CSMD1: variants seen among roughly 807,000 people sequenced by gnomAD.
CSMD1 encodes CUB and Sushi multiple domains 1, also known as CUB and sushi domain-containing protein 1.
Under a neutral mutation model 417.5 loss-of-function variants are expected in CSMD1, and 213 were observed. The observed-to-expected ratio is 0.51, with a 90% CI of 0.46 to 0.57. The LOEUF (loss-of-function observed/expected upper bound fraction) is 0.57, where lower values mean the gene tolerates loss of function less well. Ranked by LOEUF, CSMD1 falls within the 20% of genes least tolerant of loss-of-function variation. The pLI, the probability that CSMD1 is intolerant of heterozygous loss-of-function variation, is 0.00. For synonymous variants in CSMD1, 2,862 were observed against 1,736.8 expected, an observed-to-expected ratio of 1.65 and a Z score of -16.11; for missense variants, 6,923 against 4,529.7, an observed-to-expected ratio of 1.53 and a Z score of -15.17.
intron 5 of CSMD1, among the ~76,000 whole-genome samples, chr8:3,957,073 G>C (rs544140705): frequency 4.6e-5 from 7 of 152,194 alleles, no homozygotes; most frequent in Admixed American, 3.3e-4. Context: ...AAAACGCCGG[G>C]GGAGGCTCTG....
At chr8:3,695,116 G>GTGTGTGTGTGTGTGTGTGT (rs61279256) in intron 7 of CSMD1, among the ~76,000 whole-genome samples, 11 of 150,872 alleles carry the variant, frequency 7.3e-5, no homozygotes, top group South Asian at 2.1e-4. Flanking sequence ...GTGTGTGTGT[G>GTGTGTGTGTGTGTGTGTGT]GTTATTGAAG....
At chr8:3,699,317 C>G (rs1301683354) in intron 7 of CSMD1, among the ~76,000 whole-genome samples, 1 of 152,186 alleles carries the variant, frequency 6.6e-6, no homozygotes, top group Non-Finnish European at 1.5e-5. Flanking sequence ...CAGTGGATAT[C>G]ATGATTCTGA....
At position 4,787,892 on chromosome 8, in the gene CSMD1, T is replaced by C. The variant is rs117932897; in HGVS notation, c.86-150334A>G. ...ACACTGGTTGATATGAAGATTGAATTTGGTGTTGATGTAACCACAAAGAAA... is the reference window on the plus strand; with the variant it reads ...ACACTGGTTGATATGAAGATTGAATCTGGTGTTGATGTAACCACAAAGAAA... On this transcript the variant is annotated intron_variant, in intron 1 of 69. Transcript: ENST00000635120. The C allele has an allele frequency of 6.8e-3, 10,758 of 1,581,110 alleles. 71 individuals carry two copies. Among genetic ancestry groups the C allele is most frequent in the Middle Eastern group, 0.025 (108 of 4,388 alleles).
chr8:3,861,813 G>A (rs530897351), intron 5 of CSMD1, among the ~76,000 whole-genome samples: 3 of 152,218 alleles, frequency 2.0e-5, no homozygotes, highest in Admixed American at 6.5e-5. Flanking sequence ...TAAGTGTGCC[G>A]ATTACAGATG....
At chr8:4,929,601 A>C (rs1807102249) in intron 1 of CSMD1, among the ~76,000 whole-genome samples, 1 of 152,190 alleles carries the variant, frequency 6.6e-6, no homozygotes, top group Non-Finnish European at 1.5e-5. Flanking sequence ...CCATTTGTCT[A>C]CAAATGATTT....
intron 10 of CSMD1, among the ~76,000 whole-genome samples, chr8:3,500,163 C>T (rs951922281): frequency 1.3e-5 from 2 of 152,132 alleles, no homozygotes; most frequent in African/African-American, 4.8e-5. Flanking sequence ...TCTTGAGTTT[C>T]CATGCCTTAG....
intron 20 of CSMD1, among the ~76,000 whole-genome samples, chr8:3,363,884 T>C (rs181966222): frequency 6.6e-6 from 1 of 152,108 alleles, no homozygotes; most frequent in African/African-American, 2.4e-5. Flanking sequence ...CAATGTTATG[T>C]AGAATGGGGA....
intron 2 of CSMD1, among the ~76,000 whole-genome samples, chr8:4,595,080 T>G (rs1257132700): frequency 3.3e-5 from 5 of 152,196 alleles, no homozygotes; most frequent in Non-Finnish European, 7.3e-5. Flanking sequence ...GTGCCTTTTT[T>G]TATAACTTTA....
chr8:4,406,160 G>A (rs925154836), intron 3 of CSMD1, among the ~76,000 whole-genome samples: 1 of 152,176 alleles, frequency 6.6e-6, no homozygotes, highest in Non-Finnish European at 1.5e-5. Flanking sequence ...GCACACATTA[G>A]AATTTAGATA....
chr8:4,928,683 T>A (rs958925136), intron 1 of CSMD1, among the ~76,000 whole-genome samples: 6 of 152,172 alleles, frequency 3.9e-5, no homozygotes, highest in African/African-American at 1.4e-4. Flanking sequence ...TCAGCTGAAT[T>A]GTGCCACCCT....
At chr8:4,230,676 A>T (rs1158663163) in intron 3 of CSMD1, among the ~76,000 whole-genome samples, 2 of 152,144 alleles carry the variant, frequency 1.3e-5, no homozygotes, top group Admixed American at 6.6e-5. Flanking sequence ...AATATTATAA[A>T]TTTTTACTGC....
At chr8:4,798,278 T>TG (rs1156893299) in intron 1 of CSMD1, among the ~76,000 whole-genome samples, 1 of 152,218 alleles carries the variant, frequency 6.6e-6, no homozygotes, top group Non-Finnish European at 1.5e-5. Context: ...TTTCTGTCCT[T>TG]GCGCTAGTTT....
intron 1 of CSMD1, among the ~76,000 whole-genome samples, chr8:4,647,408 G>T (rs1485369211): frequency 6.6e-6 from 1 of 151,140 alleles, no homozygotes; most frequent in African/African-American, 2.4e-5. Context: ...TGTTAGGTAG[G>T]TACGCGTGTG....
rs539146933 is a variant in CSMD1, at chr8:3,189,961, G to A, written c.5349C>T (p.Ser1783=). 15 of 1,598,452 alleles carry A rather than the reference G, an allele frequency of 9.4e-6. No individual in the cohort carries two copies. In the East Asian group the frequency reaches 2.3e-4, roughly 24 times the overall value. The change falls in exon 34 of 70, where the codon TCC becomes TCT. Residue 1783 remains serine, a synonymous_variant. Transcript: ENST00000635120. ...TCCACTGTGCCAAGGCGTTGGGCAC[G>A]GACTGGCAGTGGAGCGCCGTGGAAC... ...LQGSTALHCQ[S]VPNALAQWND...
intron 5 of CSMD1, among the ~76,000 whole-genome samples, chr8:3,922,158 C>T (rs903128518): frequency 6.6e-6 from 1 of 151,812 alleles, no homozygotes; most frequent in Admixed American, 6.6e-5. Flanking sequence ...CCGTTTTTGC[C>T]TAATGTCTAT....
intron 5 of CSMD1, among the ~76,000 whole-genome samples, chr8:3,850,249 G>C (rs114624490): frequency 1.6e-3 from 245 of 152,288 alleles, no homozygotes; most frequent in African/African-American, 5.8e-3. Flanking sequence ...AAAACCAATA[G>C]GTAAGTCCAA....
chr8:4,604,404 T>TGC (rs1800759130), intron 2 of CSMD1, among the ~76,000 whole-genome samples: 1 of 98,928 alleles, frequency 1.0e-5, no homozygotes, highest in South Asian at 3.8e-4. Context: ...TGTGTGTGTG[T>TGC]GTGTGTGCGC....
Position 3,396,355 on chromosome 8 carries a change from G to T in CSMD1, c.2432C>A (p.Thr811Asn). The change falls in exon 17 of 70, where the codon ACC (threonine) becomes AAC (asparagine). Residue 811 changes from threonine (T) to asparagine (N), a missense_variant. By Grantham distance (65) the Thr-to-Asn change is moderately conservative. Transcript: ENST00000635120. ...DRFQTEVNYD[T>N]LEVRDGPASS... ...GGCTGGCCCATCTCTGACCTCCAAG[G>T]TGTCATAATTGACCTCTGTCTGAAA... 1.3e-6 allele frequency: 2 copies of T among 1,599,426 alleles called. No homozygotes were observed. The highest frequency in any genetic ancestry group is 8.5e-7 in the Non-Finnish European group (1 of 1,172,940).
intron 2 of CSMD1, among the ~76,000 whole-genome samples, chr8:4,435,678 T>C (rs1585070508): frequency 6.6e-6 from 1 of 152,070 alleles, no homozygotes; most frequent in South Asian, 2.1e-4. Flanking sequence ...GTCACCCGAG[T>C]TGTTACTGAC....
Sources: allele counts gnomAD v4.1 joint callset (sites outside exome capture counted in the v4.1 genomes callset), GRCh38; gene constraint gnomAD v4.1.1; transcripts MANE v1.5; gene names NCBI Gene and HGNC (gene_info 2026-07-23, HGNC 2026-07-21).